ST18: variants seen among roughly 807,000 people sequenced by gnomAD.
The protein encoded by ST18 is suppression of tumorigenicity 18 protein.
ST18 carries 50 observed loss-of-function variants against 110.0 expected under a neutral mutation model. That is an observed-to-expected ratio of 0.45 (90% CI 0.36 to 0.58). ST18 has a LOEUF of 0.58. Ranked by LOEUF, ST18 falls within the 20% of genes least tolerant of loss-of-function variation. The probability of loss-of-function intolerance (pLI) is 0.00; values close to 1 mark genes in which losing one functional copy is unlikely to be tolerated. For synonymous variants in ST18, 461 were observed against 452.4 expected (o/e 1.02, Z -0.24); for missense variants, 1,306 against 1,280.1 (o/e 1.02, Z -0.31).
At chr8:52,327,371 G>A (rs1400666528) in intron 2 of ST18, among the ~76,000 whole-genome samples, 1 of 152,152 alleles carries the variant, frequency 6.6e-6, no homozygotes, top group African/African-American at 2.4e-5. Context: ...ATTCTGTCCA[G>A]CCATCTCAAC....
intron 16 of ST18, among the ~76,000 whole-genome samples, chr8:52,146,530 G>A (rs1394790157): frequency 3.3e-5 from 5 of 151,238 alleles, no homozygotes; most frequent in African/African-American, 1.2e-4. Flanking sequence ...CATATGACCA[G>A]GAGCAACAAC....
intron 2 of ST18, among the ~76,000 whole-genome samples, chr8:52,313,911 A>G (rs1455485468): frequency 6.6e-6 from 1 of 152,148 alleles, no homozygotes; most frequent in Non-Finnish European, 1.5e-5. Flanking sequence ...ATGGAAGGAA[A>G]AGTGGAGACC....
At chr8:52,401,842 T>C (rs989060077) in intron 2 of ST18, among the ~76,000 whole-genome samples, 1 of 152,188 alleles carries the variant, frequency 6.6e-6, no homozygotes, top group Non-Finnish European at 1.5e-5. Context: ...TTTTGTGGTG[T>C]CATGTTTCCT....
rs780120574 is a variant in ST18, at chr8:52,112,350, G to A, written c.*848C>T. 3 of 152,570 alleles carry A rather than the reference G, an allele frequency of 2.0e-5. No individual in the cohort carries two copies. The highest frequency in any genetic ancestry group is 2.9e-5 in the Non-Finnish European group (2 of 68,038). The allele number at this position is 152,570 out of a possible 1,614,324, so 9.5% of individuals were successfully genotyped here. On this transcript the variant is annotated 3_prime_UTR_variant, in exon 26 of 26. Coordinates refer to ENST00000689386, the MANE Select transcript of ST18 (RefSeq NM_001352837.2). ...AGTCTTATTTTTCATCTTGGGATAC[G>A]AGTTGCCAACGATCTGATATGACTT... is the stretch of plus-strand genomic sequence containing the variant.
intron 2 of ST18, among the ~76,000 whole-genome samples, chr8:52,400,308 A>G (rs1842473228): frequency 6.6e-6 from 1 of 152,024 alleles, no homozygotes; most frequent in Admixed American, 6.5e-5. Flanking sequence ...TAAAGCTACA[A>G]TGGGTCTCTT....
chr8:52,363,988 T>A (rs1023028109), intron 2 of ST18, among the ~76,000 whole-genome samples: 3 of 152,228 alleles, frequency 2.0e-5, no homozygotes, highest in African/African-American at 7.2e-5. Context: ...TGTTTGACAG[T>A]ATTTTTCAAG....
intron 2 of ST18, among the ~76,000 whole-genome samples, chr8:52,300,252 A>C (rs1342415447): frequency 6.6e-6 from 1 of 152,198 alleles, no homozygotes; most frequent in South Asian, 2.1e-4. Context: ...TTATTAAGCC[A>C]GGTAGTCAGG....
intron 8 of ST18, among the ~76,000 whole-genome samples, chr8:52,211,187 A>G (rs2082032425): frequency 6.6e-6 from 1 of 152,054 alleles, no homozygotes; most frequent in Non-Finnish European, 1.5e-5. Flanking sequence ...ACCCTGACAA[A>G]GACTCTGAAA....
At chr8:52,164,289 A>G (rs928198221) in intron 12 of ST18, among the ~76,000 whole-genome samples, 199 bp from the exon 13 acceptor site, 1 of 152,214 alleles carries the variant, frequency 6.6e-6, no homozygotes, top group East Asian at 1.9e-4. Flanking sequence ...CCCATCTCAG[A>G]GGTGAAAGGT....
chr8:52,329,929 G>T (rs1264796546), intron 2 of ST18, among the ~76,000 whole-genome samples: 3 of 152,096 alleles, frequency 2.0e-5, no homozygotes, highest in Non-Finnish European at 4.4e-5. Flanking sequence ...GCTAATAGTG[G>T]GTTGGCTAGT....
At chr8:52,123,241 A>G (rs1016336404) in intron 23 of ST18, among the ~76,000 whole-genome samples, 7 of 152,240 alleles carry the variant, frequency 4.6e-5, no homozygotes, top group African/African-American at 1.7e-4. Flanking sequence ...CCCCTAAAAT[A>G]TTATCTAATT....
chr8:52,320,927 T>A (rs752878537), intron 2 of ST18, among the ~76,000 whole-genome samples: 12 of 152,160 alleles, frequency 7.9e-5, no homozygotes, highest in Non-Finnish European at 4.4e-5. Flanking sequence ...TGCTCATCAA[T>A]AGGGATATAA....
At chr8:52,232,936 G>C (rs1200173131) in intron 2 of ST18, among the ~76,000 whole-genome samples, 1 of 151,990 alleles carries the variant, frequency 6.6e-6, no homozygotes, top group African/African-American at 2.4e-5. Flanking sequence ...TAGTTCTCCA[G>C]TAAAGCTGGG....
intron 2 of ST18, among the ~76,000 whole-genome samples, chr8:52,238,663 T>C (rs577499667): frequency 2.6e-5 from 4 of 152,094 alleles, no homozygotes; most frequent in African/African-American, 9.6e-5. Flanking sequence ...ATATACAACA[T>C]GGAATACTAC....
chr8:52,336,570 G>A (rs1162622373), intron 2 of ST18, among the ~76,000 whole-genome samples: 1 of 152,190 alleles, frequency 6.6e-6, no homozygotes, highest in African/African-American at 2.4e-5. Flanking sequence ...TAGCTAGCTG[G>A]ATAAAAGCAA....
intron 2 of ST18, among the ~76,000 whole-genome samples, chr8:52,339,313 TG>T (rs1813723033): frequency 6.6e-6 from 1 of 152,188 alleles, no homozygotes; most frequent in South Asian, 2.1e-4. Context: ...CCTCTCCCTC[TG>T]GGCTTCTCTG....
intron 2 of ST18, among the ~76,000 whole-genome samples, chr8:52,387,473 A>G (rs1352917646): frequency 6.6e-6 from 1 of 152,162 alleles, no homozygotes; most frequent in Non-Finnish European, 1.5e-5. Context: ...ATGTGAGATC[A>G]TACTTCTCTT....
chr8:52,391,970 A>G (rs1839456116), intron 2 of ST18, among the ~76,000 whole-genome samples: 1 of 152,224 alleles, frequency 6.6e-6, no homozygotes, highest in South Asian at 2.1e-4. Flanking sequence ...GGGCTGAGGC[A>G]GTATTCAAGG....
chr8:52,225,636 T>C (rs764348457), intron 3 of ST18, among the ~76,000 whole-genome samples: 9 of 152,182 alleles, frequency 5.9e-5, no homozygotes, highest in Non-Finnish European at 1.3e-4. Context: ...GATCCGGTGA[T>C]GGAGGAGAAA....
Sources: allele counts gnomAD v4.1 joint callset (sites outside exome capture counted in the v4.1 genomes callset), GRCh38; gene constraint gnomAD v4.1.1; transcripts MANE v1.5; gene names NCBI Gene and HGNC (gene_info 2026-07-23, HGNC 2026-07-21).